NMBR: variants seen among roughly 807,000 people sequenced by gnomAD.
NMBR encodes the protein neuromedin B receptor.
In NMBR, 16 loss-of-function variants were observed where a neutral mutation model predicts 20.5. The observed-to-expected ratio is 0.78, with a 90% CI of 0.53 to 1.19. The LOEUF is 1.19. Ranked by LOEUF, NMBR falls within the 50% of genes most tolerant of loss-of-function variation. The pLI is 0.00. For synonymous variants in NMBR, 212 were observed against 196.6 expected (o/e 1.08, Z -0.65); for missense variants, 582 against 499.1 (o/e 1.17, Z -1.58).
intron 2 of NMBR, 105 bp downstream of exon 2, chr6:142,088,132 C>A: frequency 8.5e-7 from 1 of 1,169,834 alleles, no homozygotes; most frequent in East Asian, 2.5e-5. Flanking sequence ...CCACACCCAA[C>A]CTTTCCTTGC....
intron 1 of NMBR, among the ~76,000 whole-genome samples, chr6:142,128,578 T>C (rs1340581215): frequency 6.6e-6 from 1 of 152,074 alleles, no homozygotes; most frequent in East Asian, 1.9e-4. Context: ...TTATGAGGAA[T>C]TGATTTTGAA....
intron 1 of NMBR, among the ~76,000 whole-genome samples, chr6:142,128,468 GT>G (rs1430507243): frequency 6.6e-6 from 1 of 151,846 alleles, no homozygotes; most frequent in African/African-American, 2.4e-5. Flanking sequence ...AAAGCTTGCA[GT>G]TTTTTTTCCA....
intron 1 of NMBR, among the ~76,000 whole-genome samples, chr6:142,109,199 C>T (rs921023866): frequency 7.9e-5 from 12 of 152,102 alleles, no homozygotes; most frequent in African/African-American, 2.9e-4. Flanking sequence ...TCTACCATTC[C>T]GGGCTCTGGA....
intron 1 of NMBR, among the ~76,000 whole-genome samples, chr6:142,112,380 T>A (rs775073572): frequency 2.0e-5 from 3 of 152,214 alleles, no homozygotes; most frequent in Non-Finnish European, 2.9e-5. Context: ...GGTGAACAAC[T>A]AGGCTTAGTT....
intron 1 of NMBR, chr6:142,133,157 A>T: frequency 1.5e-6 from 1 of 678,944 alleles, no homozygotes; most frequent in Non-Finnish European, 2.7e-6. Context: ...ATCTCCTGAG[A>T]CATGTCTCTA....
chr6:142,080,168 G>A (rs1281643412), intron 2 of NMBR, among the ~76,000 whole-genome samples: 1 of 151,706 alleles, frequency 6.6e-6, no homozygotes, highest in Non-Finnish European at 1.5e-5. Context: ...TATTCTGTTA[G>A]CTTTACTTTC....
intron 1 of NMBR, among the ~76,000 whole-genome samples, chr6:142,125,949 G>A (rs535041349): frequency 3.1e-4 from 47 of 151,140 alleles, no homozygotes; most frequent in African/African-American, 6.5e-4. Flanking sequence ...TATACAATAC[G>A]GTATTGTTAA....
rs563589916 is a variant in NMBR at position 142,086,488 on chromosome 6, AC to A, written c.422+1748del. On this transcript the variant is annotated intron_variant, in intron 2 of 3. Coordinates refer to ENST00000258042, the MANE Select transcript of NMBR (RefSeq NM_002511.4). ...GACAATATATAACAAACCATTTCCA[AC>A]CCATTTTAAGTGAATCATGGAATAT... 2.8e-4 allele frequency among the ~76,000 whole-genome samples: 43 copies of A among 152,150 alleles called. No individual in the cohort carries two copies. The South Asian group carries it at 7.7e-3, about 27-fold the overall frequency.
chr6:142,076,979 G>A (rs997264825), intron 3 of NMBR, among the ~76,000 whole-genome samples: 2 of 152,176 alleles, frequency 1.3e-5, no homozygotes, highest in Non-Finnish European at 2.9e-5. Context: ...GGTAATGGAG[G>A]AAGCGAAGAA....
intron 1 of NMBR, among the ~76,000 whole-genome samples, chr6:142,145,871 G>C (rs1172231409): frequency 1.3e-5 from 2 of 152,174 alleles, no homozygotes; most frequent in East Asian, 3.8e-4. Flanking sequence ...AGAATGCCTG[G>C]AGTGGGCTTT....
chr6:142,079,110 GAA>G (rs1491468539), intron 2 of NMBR, among the ~76,000 whole-genome samples: 60 of 69,180 alleles, frequency 8.7e-4, no homozygotes, highest in Middle Eastern at 5.2e-3. Context: ...GAGAGAGAAA[GAA>G]AGAAAGAAAG....
chr6:142,098,091 G>C (rs1777494697), intron 1 of NMBR, among the ~76,000 whole-genome samples: 1 of 151,822 alleles, frequency 6.6e-6, no homozygotes, highest in Admixed American at 6.6e-5. Flanking sequence ...GATCTCCAAA[G>C]GACAGAAGAA....
chr6:142,093,919 T>C (rs1304822694), intron 1 of NMBR, among the ~76,000 whole-genome samples: 1 of 151,750 alleles, frequency 6.6e-6, no homozygotes, highest in Non-Finnish European at 1.5e-5. Flanking sequence ...GTGAGCATTT[T>C]TTCATGTGTT....
At position 142,088,422 on chromosome 6, in the gene NMBR, G is replaced by T. The variant is rs1401671409; in HGVS notation, c.237C>A (p.Asn79Lys). ...ITNSAMRSVP[N>K]IFISNLAAGD... ...CGGCCGCCAGGTTAGAGATGAAGATGTTGGGGACGCTCCTCATGGCGCTGT... is the reference window on the plus strand; with the variant it reads ...CGGCCGCCAGGTTAGAGATGAAGATTTTGGGGACGCTCCTCATGGCGCTGT... The change falls in exon 2 of 4, where the codon AAC (asparagine) becomes AAA (lysine). Residue 79 changes from asparagine to lysine, a missense_variant. Transcript: ENST00000258042. 6.2e-7 allele frequency: 1 copy of T among 1,614,144 alleles called. No homozygotes were observed. Among genetic ancestry groups the T allele is most frequent in the Non-Finnish European group, 8.5e-7 (1 of 1,180,020 alleles).
intron 1 of NMBR, among the ~76,000 whole-genome samples, chr6:142,109,829 T>C (rs746085580): frequency 1.4e-4 from 21 of 152,166 alleles, no homozygotes; most frequent in Admixed American, 3.3e-4. Context: ...GATGCCCTCA[T>C]AAAAGAGGCC....
Position 142,088,777 on chromosome 6 carries a change from C to T in NMBR, c.-119G>A, listed in dbSNP as rs904597803. 50 of 919,286 alleles carry T rather than the reference C, an allele frequency of 5.4e-5. No individual in the cohort carries two copies. The East Asian group carries it at 1.2e-3, about 23-fold the overall frequency. The allele number at this position is 919,286 out of a possible 1,614,324, so 56.9% of individuals were successfully genotyped here. On this transcript the variant is annotated 5_prime_UTR_variant, in exon 2 of 4. Transcript: ENST00000258042. ...CCTCTCGCCCCTGCAAGTTTACTGT[C>T]CGCGGGGCAAGCCTCACAGCACCAC...
chr6:142,100,478 T>A (rs1307862030), intron 1 of NMBR, among the ~76,000 whole-genome samples: 1 of 152,212 alleles, frequency 6.6e-6, no homozygotes, highest in Non-Finnish European at 1.5e-5. Flanking sequence ...ACTGTATGAT[T>A]TCAACTATAT....
intron 1 of NMBR, among the ~76,000 whole-genome samples, chr6:142,098,288 C>G (rs1245235584): frequency 6.6e-6 from 1 of 152,102 alleles, no homozygotes; most frequent in Non-Finnish European, 1.5e-5. Context: ...AAAATGTGTA[C>G]TCTCACCATT....
intron 1 of NMBR, among the ~76,000 whole-genome samples, chr6:142,099,579 T>A (rs1212571745): frequency 6.6e-6 from 1 of 152,124 alleles, no homozygotes; most frequent in African/African-American, 2.4e-5. Context: ...CATGTGCAGA[T>A]TGCAATTGGA....
Sources: allele counts gnomAD v4.1 joint callset (sites outside exome capture counted in the v4.1 genomes callset), GRCh38; gene constraint gnomAD v4.1.1; transcripts MANE v1.5; gene names NCBI Gene and HGNC (gene_info 2026-07-23, HGNC 2026-07-21).